The following DNAH10 variants were observed in gnomAD, a reference collection of about 807,000 sequenced individuals.
DNAH10 encodes dynein axonemal heavy chain 10, also known as axonemal beta dynein heavy chain 10.
In DNAH10, 348 loss-of-function variants were observed where a neutral mutation model predicts 506.6. That is an observed-to-expected ratio of 0.69 (90% CI 0.63 to 0.75). DNAH10 has a LOEUF of 0.75. Among genes scored for constraint, DNAH10 ranks in the 30% least tolerant of loss-of-function variants. The probability of loss-of-function intolerance (pLI) is 0.00; values close to 1 mark genes in which losing one functional copy is unlikely to be tolerated. For synonymous variants in DNAH10, 2,059 were observed against 2,198.6 expected, an observed-to-expected ratio of 0.94 and a Z score of 1.78; for missense variants, 5,179 against 5,787.1, an observed-to-expected ratio of 0.89 and a Z score of 3.41.
Position 123,928,622 on chromosome 12 carries a change from C to G in DNAH10, c.12306+35C>G, listed in dbSNP as rs1445506044. 1.9e-6 allele frequency: 3 copies of G among 1,556,846 alleles called. No individual in the cohort carries two copies. The highest frequency in any genetic ancestry group is 2.6e-6 in the Non-Finnish European group (3 of 1,150,402). ...CAGGATGGACATCAACATGCCAGCA[C>G]GCAGCTTCTCAGAACACCTGCATGC... On this transcript the variant is annotated intron_variant, in intron 70 of 78. Coordinates refer to ENST00000673944, the MANE Select transcript of DNAH10 (RefSeq NM_001372106.1). The surrounding 1 kb of genome is among the most constrained non-coding windows in gnomAD (Gnocchi z 4.9).
In DNAH10 at chr12:123,861,093, C is replaced by T; in HGVS notation, c.6831C>T (p.Thr2277=). ...AACTCTACGGCATCCTGGACCCAACCACCCGAGACTGGACAGATGGGGTGT... is the reference window on the plus strand; with the variant it reads ...AACTCTACGGCATCCTGGACCCAACTACCCGAGACTGGACAGATGGGGTGT... ...VIELYGILDP[T]TRDWTDGVLS... The change falls in exon 39 of 79, where the codon ACC becomes ACT. Residue 2277 remains threonine (T), a synonymous_variant. Transcript: ENST00000673944. The T allele has an allele frequency of 6.2e-7, 1 of 1,613,952 alleles. No individual in the cohort carries two copies. The highest frequency in any genetic ancestry group is 2.2e-5 in the East Asian group (1 of 44,882).
chr12:123,791,130 C>CA (rs983309372), intron 11 of DNAH10, among the ~76,000 whole-genome samples: 2 of 149,872 alleles, frequency 1.3e-5, no homozygotes, highest in South Asian at 2.1e-4. Context: ...GACTCTGTCT[C>CA]AAAAAAAACC....
chr12:123,763,286 C>T (rs1956896489), intron 1 of DNAH10, among the ~76,000 whole-genome samples: 1 of 152,166 alleles, frequency 6.6e-6, no homozygotes, highest in African/African-American at 2.4e-5. Context: ...GAGGGGCCAG[C>T]ACAGGTGAGA....
rs781236986 is a variant in DNAH10, at chr12:123,929,670, A to G, written c.12523A>G (p.Met4175Val). The G allele has an allele frequency of 5.6e-6, 9 of 1,613,042 alleles. No homozygotes were observed. The highest frequency in any genetic ancestry group is 2.2e-5 in the South Asian group (2 of 90,800). ...CGTGTTCTCTTCTTTCAAGGTCTGCATGGAAATTCTGAACACGTACTTAAC... is the reference window on the plus strand; with the variant it reads ...CGTGTTCTCTTCTTTCAAGGTCTGCGTGGAAATTCTGAACACGTACTTAAC... ...DFNESDFQVC[M>V]EILNTYLTKA... Residue 4175 changes from methionine to valine, a missense_variant, in exon 72 of 79, where the codon ATG becomes GTG. Physicochemically the swap from Met to Val is conservative, Grantham distance 21. Transcript: ENST00000673944.
At chr12:123,834,849 A>C (rs934299324) in intron 27 of DNAH10, among the ~76,000 whole-genome samples, 1 of 152,254 alleles carries the variant, frequency 6.6e-6, no homozygotes, top group African/African-American at 2.4e-5. Flanking sequence ...AGCATGTGTC[A>C]GTGCTTCCGT....
At chr12:123,810,497 A>G (rs971001732) in intron 19 of DNAH10, among the ~76,000 whole-genome samples, 7 of 152,182 alleles carry the variant, frequency 4.6e-5, no homozygotes, top group African/African-American at 9.7e-5. Flanking sequence ...CCTGGCTAAC[A>G]TGGTGAACCC....
chr12:123,769,914 T>TAA (rs1957184313), intron 2 of DNAH10, among the ~76,000 whole-genome samples: 1 of 22,532 alleles, frequency 4.4e-5, no homozygotes, highest in South Asian at 2.0e-3. Flanking sequence ...CCACCATGCC[T>TAA]GGCTAAGGTT....
intron 45 of DNAH10, among the ~76,000 whole-genome samples, chr12:123,872,563 G>A (rs74809552): frequency 0.078 from 11,779 of 151,842 alleles, 1,252 homozygotes; most frequent in African/African-American, 0.24. Context: ...GGTGCCCTAC[G>A]TGGAGAGAGT....
In DNAH10 at chr12:123,781,163, T is replaced by C. The variant is rs1173967348; in HGVS notation, c.705T>C (p.Ser235=). ...GVTSGEVSNS[S]EHESDLPPMP... is the part of the protein sequence containing the mutation. ...CATCTGGAGAAGTCTCTAATTCCTCTGAGCATGAATCAGACCTGCCGCCCA... is the reference window on the plus strand; with the variant it reads ...CATCTGGAGAAGTCTCTAATTCCTCCGAGCATGAATCAGACCTGCCGCCCA... Residue 235 remains serine (S), a synonymous_variant, in exon 6 of 79, where the codon TCT becomes TCC. Transcript: ENST00000673944. The C allele has an allele frequency of 6.2e-7, 1 of 1,614,160 alleles. No homozygotes were observed. The highest frequency in any genetic ancestry group is 8.5e-7 in the Non-Finnish European group (1 of 1,180,016).
intron 26 of DNAH10, among the ~76,000 whole-genome samples, chr12:123,831,552 G>A (rs987118591): frequency 6.6e-6 from 1 of 152,128 alleles, no homozygotes; most frequent in Non-Finnish European, 1.5e-5. Context: ...CATTGAGTAC[G>A]GCCAGCCATT....
At chr12:123,912,938 A>G (rs1954295180) in intron 59 of DNAH10, among the ~76,000 whole-genome samples, 160 bp from the exon 60 acceptor site, 1 of 152,222 alleles carries the variant, frequency 6.6e-6, no homozygotes, top group African/African-American at 2.4e-5. Context: ...ACAGTCGAAG[A>G]AGAAACTAAG....
chr12:123,919,144 C>T lies in DNAH10; in HGVS notation c.11506+195C>T, dbSNP rs964729663. 1.8e-5 allele frequency: 11 copies of T among 628,332 alleles called. No individual in the cohort carries two copies. Among genetic ancestry groups the T allele is most frequent in the South Asian group, 6.5e-5 (2 of 30,878 alleles). The allele number at this position is 628,332 out of a possible 1,614,324, so 38.9% of individuals were successfully genotyped here. A position where few individuals can be genotyped will look rare whatever the true frequency, so the allele number is the denominator to read the frequency against. The stretch of plus-strand genomic sequence containing the variant: ...AGGCTGGAATGCAGTGGTGCGATCA[C>T]GGCTCACTGCAACCTCCACCTCCCA... On this transcript the variant is annotated intron_variant, in intron 65 of 78. Coordinates refer to ENST00000673944, the MANE Select transcript of DNAH10 (RefSeq NM_001372106.1). This position sits in a 1 kb window ranked among gnomAD's most constrained non-coding sequence, Gnocchi z 4.9.
chr12:123,875,816 G>A (rs182392951), intron 47 of DNAH10, among the ~76,000 whole-genome samples: 1 of 152,246 alleles, frequency 6.6e-6, no homozygotes, highest in Admixed American at 6.5e-5. Flanking sequence ...GCAGGCTGGG[G>A]CCCTGGAGTC....
At chr12:123,831,339 T>C (rs1960523226) in intron 26 of DNAH10, among the ~76,000 whole-genome samples, 1 of 152,028 alleles carries the variant, frequency 6.6e-6, no homozygotes, top group Non-Finnish European at 1.5e-5. Flanking sequence ...AACATACACG[T>C]ACACAGGTAC....
intron 59 of DNAH10, among the ~76,000 whole-genome samples, chr12:123,911,079 A>G (rs1422138354): frequency 6.7e-6 from 1 of 149,904 alleles, no homozygotes; most frequent in Non-Finnish European, 1.5e-5. Context: ...GCATGGTGGC[A>G]CACACCTGTA....
At position 123,804,385 on chromosome 12, in the gene DNAH10, C is replaced by T. The variant is rs974052588; in HGVS notation, c.2780-448C>T. ...CTAAAAATACAAAAAATTAGCTGGGCGTGGTGGTGGGCACCTGTAGTCCCA... is the reference window on the plus strand; with the variant it reads ...CTAAAAATACAAAAAATTAGCTGGGTGTGGTGGTGGGCACCTGTAGTCCCA... On this transcript the variant is annotated intron_variant, in intron 17 of 78. Coordinates refer to ENST00000673944, the MANE Select transcript of DNAH10 (RefSeq NM_001372106.1). Among the ~76,000 whole-genome samples, 6 of 151,914 alleles carry T rather than the reference C, an allele frequency of 3.9e-5. No individual in the cohort carries two copies. In the South Asian group the frequency reaches 8.3e-4, roughly 21 times the overall value.
At chr12:123,828,953 G>A (rs1960255673) in intron 25 of DNAH10, among the ~76,000 whole-genome samples, 2 of 152,210 alleles carry the variant, frequency 1.3e-5, no homozygotes, top group Admixed American at 1.3e-4. Flanking sequence ...TCAGGGCTGA[G>A]TTATGTTGAG....
intron 57 of DNAH10, chr12:123,908,377 C>T (rs1394954860): frequency 2.2e-6 from 1 of 456,188 alleles, no homozygotes; most frequent in East Asian, 7.0e-5. Context: ...CCCTGCCTGG[C>T]CGCCCCCACA....
intron 69 of DNAH10, chr12:123,927,183 A>C: frequency 4.4e-6 from 1 of 228,588 alleles, no homozygotes; most frequent in Non-Finnish European, 8.4e-6. Flanking sequence ...AGCAGCTGAG[A>C]CTACAGGCAT....
Sources: gnomAD v4.1 joint callset for allele counts (sites outside exome capture counted in the v4.1 genomes callset) on GRCh38, gnomAD v4.1.1 for gene constraint, Gnocchi (gnomAD v3.1) non-coding constraint, MANE v1.5 for transcripts, NCBI Gene and HGNC (gene_info 2026-07-23, HGNC 2026-07-21) for gene names.